Variants in CCDC102B observed in about 807,000 individuals in gnomAD.
CCDC102B encodes coiled-coil domain-containing protein 102B.
Under a neutral mutation model 57.4 loss-of-function variants are expected in CCDC102B, and 75 were observed. The ratio of observed to expected loss-of-function variants is 1.31; its 90% CI spans 1.08 to 1.58. The LOEUF (loss-of-function observed/expected upper bound fraction) is 1.58, where lower values mean the gene tolerates loss of function less well. Among genes scored for constraint, CCDC102B ranks in the 40% most tolerant of loss-of-function variants. CCDC102B has a pLI of 0.00. For synonymous variants in CCDC102B, 206 were observed against 201.9 expected (o/e 1.02, Z -0.17); for missense variants, 636 against 582.6 (o/e 1.09, Z -0.94).
At chr18:69,014,976 AGAGT>A (rs1460354563) in intron 7 of CCDC102B, among the ~76,000 whole-genome samples, 15 of 115,692 alleles carry the variant, frequency 1.3e-4, no homozygotes, top group African/African-American at 3.9e-4. Context: ...AGAGAGAGAG[AGAGT>A]GTGTGTGTGT....
intron 7 of CCDC102B, among the ~76,000 whole-genome samples, chr18:69,016,062 A>G (rs2145407657): frequency 6.7e-6 from 1 of 150,248 alleles, no homozygotes; most frequent in South Asian, 2.1e-4. Context: ...ACGGGGTTTC[A>G]ACATGTTAGC....
At chr18:68,980,837 G>A (rs745466999) in intron 6 of CCDC102B, among the ~76,000 whole-genome samples, 16 of 152,072 alleles carry the variant, frequency 1.1e-4, no homozygotes, top group African/African-American at 1.9e-4. Context: ...ATTTGGGAAC[G>A]TGTAGGACAT....
intron 2 of CCDC102B, among the ~76,000 whole-genome samples, chr18:68,737,528 G>C (rs2033197999): frequency 6.6e-6 from 1 of 151,910 alleles, no homozygotes; most frequent in Non-Finnish European, 1.5e-5. Flanking sequence ...GGAGGGTTGT[G>C]TGTGTGTGTA....
chr18:68,923,250 C>G (rs917157279), intron 6 of CCDC102B, among the ~76,000 whole-genome samples: 7 of 151,256 alleles, frequency 4.6e-5, no homozygotes, highest in Non-Finnish European at 7.4e-5. Flanking sequence ...GAAAATTTTT[C>G]CAGGCACAAA....
intron 6 of CCDC102B, among the ~76,000 whole-genome samples, chr18:68,969,471 T>C (rs887848524): frequency 6.7e-6 from 1 of 150,182 alleles, no homozygotes; most frequent in Non-Finnish European, 1.5e-5. Flanking sequence ...TTTTTTCTCC[T>C]TTTAATCTTT....
chr18:68,905,897 C>T (rs373075819), intron 6 of CCDC102B, among the ~76,000 whole-genome samples: 1 of 145,664 alleles, frequency 6.9e-6, no homozygotes, highest in Admixed American at 7.2e-5. Context: ...GGGTTCACGC[C>T]GTTCTCCTGC....
At chr18:68,811,161 G>A (rs1381805069) in intron 1 of CCDC102B, among the ~76,000 whole-genome samples, 2 of 152,140 alleles carry the variant, frequency 1.3e-5, no homozygotes, top group African/African-American at 4.8e-5. Flanking sequence ...GTAAACATAC[G>A]TGTGCATGTG....
intron 1 of CCDC102B, among the ~76,000 whole-genome samples, chr18:68,815,608 A>C (rs1387167139): frequency 6.6e-6 from 1 of 151,824 alleles, no homozygotes; most frequent in African/African-American, 2.4e-5. Context: ...AAATGGAACA[A>C]ACTGACCAGG....
chr18:68,767,796 A>G (rs938571507), intron 2 of CCDC102B, among the ~76,000 whole-genome samples: 23 of 152,188 alleles, frequency 1.5e-4, no homozygotes, highest in African/African-American at 5.1e-4. Context: ...TTTTTCTTCC[A>G]CAAAATACAT....
chr18:68,717,450 T>A (rs309243), intron 2 of CCDC102B, among the ~76,000 whole-genome samples: 1,643 of 152,352 alleles, frequency 0.011, 25 homozygotes, highest in African/African-American at 0.034. Context: ...TAATCTCACC[T>A]GTTTTTATTT....
chr18:68,823,355 G>C (rs1234758806), intron 1 of CCDC102B: 4 of 152,128 alleles, frequency 2.6e-5, no homozygotes, highest in Admixed American at 1.3e-4. Context: ...TGTTTTGTTT[G>C]TGCGTCTTAG....
At chr18:68,850,325 G>A (rs1422675765) in intron 4 of CCDC102B, among the ~76,000 whole-genome samples, 1 of 152,038 alleles carries the variant, frequency 6.6e-6, no homozygotes, top group Non-Finnish European at 1.5e-5. Context: ...CTCTCATATT[G>A]AGAGTTTGGC....
chr18:69,021,587 A>G (rs2051833928), intron 7 of CCDC102B, among the ~76,000 whole-genome samples: 1 of 152,234 alleles, frequency 6.6e-6, no homozygotes, highest in African/African-American at 2.4e-5. Flanking sequence ...TCCTAAGTAT[A>G]TACAGTTGAA....
At chr18:68,732,512 T>G (rs977417617) in intron 2 of CCDC102B, among the ~76,000 whole-genome samples, 1 of 151,144 alleles carries the variant, frequency 6.6e-6, no homozygotes, top group African/African-American at 2.4e-5. Context: ...GCTCAGCTAA[T>G]TTTTTTTTAT....
At chr18:68,912,275 T>C (rs2040903489) in intron 6 of CCDC102B, among the ~76,000 whole-genome samples, 1 of 152,208 alleles carries the variant, frequency 6.6e-6, no homozygotes, top group Admixed American at 6.5e-5. Flanking sequence ...TGATAATCCG[T>C]AAAACACTAC....
At chr18:68,791,342 A>T (rs566278622) in intron 2 of CCDC102B, among the ~76,000 whole-genome samples, 4 of 152,194 alleles carry the variant, frequency 2.6e-5, no homozygotes, top group African/African-American at 9.7e-5. Context: ...AGCACTTTTC[A>T]TCAGTATAGT....
At chr18:69,035,013 C>T (rs1440766578) in intron 7 of CCDC102B, among the ~76,000 whole-genome samples, 1 of 151,798 alleles carries the variant, frequency 6.6e-6, no homozygotes, top group Non-Finnish European at 1.5e-5. Context: ...TAGAATTACT[C>T]AATTATACTA....
intron 2 of CCDC102B, among the ~76,000 whole-genome samples, chr18:68,737,487 T>A (rs948152319): frequency 6.6e-6 from 1 of 151,456 alleles, no homozygotes; most frequent in African/African-American, 2.4e-5. Flanking sequence ...CAGTGGTGTG[T>A]GTATGTGTGT....
chr18:69,049,386 T>C (rs888995076), intron 7 of CCDC102B, among the ~76,000 whole-genome samples: 1 of 152,126 alleles, frequency 6.6e-6, no homozygotes, highest in African/African-American at 2.4e-5. Flanking sequence ...TTTTTTTTTC[T>C]TAACATGCAA....
Sources: gnomAD v4.1 joint callset for allele counts (sites outside exome capture counted in the v4.1 genomes callset) on GRCh38, gnomAD v4.1.1 for gene constraint, MANE v1.5 for transcripts, NCBI Gene and HGNC (gene_info 2026-07-23, HGNC 2026-07-21) for gene names.